Variants in PHC3 observed in about 807,000 individuals in gnomAD.
The protein encoded by PHC3 is polyhomeotic-like protein 3.
PHC3 carries 13 observed loss-of-function variants against 107.4 expected under a neutral mutation model. The observed-to-expected ratio is 0.12, with a 90% CI of 0.08 to 0.19. PHC3 has a LOEUF of 0.19. Ranked by LOEUF, PHC3 falls within the 10% of genes least tolerant of loss-of-function variation. The pLI is 1.00. For synonymous variants in PHC3, 456 were observed against 427.4 expected (o/e 1.07, Z -0.83); for missense variants, 992 against 1,210.9 (o/e 0.82, Z 2.68).
At chr3:170,125,143 A>T (rs1721041116) in intron 8 of PHC3, among the ~76,000 whole-genome samples, 1 of 152,134 alleles carries the variant, frequency 6.6e-6, no homozygotes, top group Non-Finnish European at 1.5e-5. Flanking sequence ...ACACTAAGAG[A>T]GATTCTGTGC....
chr3:170,155,204 T>C (rs1344858743), intron 4 of PHC3, among the ~76,000 whole-genome samples: 1 of 152,216 alleles, frequency 6.6e-6, no homozygotes, highest in Admixed American at 6.5e-5. Context: ...CAAAGTCCAT[T>C]TGAGAGTTGC....
intron 11 of PHC3, among the ~76,000 whole-genome samples, chr3:170,108,065 G>T (rs1317544918): frequency 1.3e-5 from 2 of 152,150 alleles, no homozygotes; most frequent in Admixed American, 6.5e-5. Flanking sequence ...TAGCGCTCAA[G>T]AAATACTTTG....
intron 2 of PHC3, among the ~76,000 whole-genome samples, chr3:170,175,643 G>T (rs567852294): frequency 4.6e-5 from 7 of 151,312 alleles, no homozygotes; most frequent in South Asian, 2.1e-4. Context: ...AAAAGGGGGG[G>T]GCCAGGCGCA....
chr3:170,139,189 A>G (rs75650432), intron 6 of PHC3, among the ~76,000 whole-genome samples: 3,482 of 152,178 alleles, frequency 0.023, 132 homozygotes, highest in African/African-American at 0.08. Flanking sequence ...TCATTTTTAT[A>G]CTCCCTGCAG....
chr3:170,158,135 T>C (rs528996009), intron 4 of PHC3, among the ~76,000 whole-genome samples: 24 of 152,182 alleles, frequency 1.6e-4, no homozygotes, highest in East Asian at 7.7e-4. Flanking sequence ...ATCTAGACTA[T>C]TGGAAATTCC....
chr3:170,155,227 A>T (rs1029558856), intron 4 of PHC3, among the ~76,000 whole-genome samples: 1 of 152,214 alleles, frequency 6.6e-6, no homozygotes, highest in Admixed American at 6.5e-5. Flanking sequence ...CTACCGTTTC[A>T]CTGATCAGAA....
At chr3:170,100,822 TTTG>T (rs1348433300) in intron 14 of PHC3, among the ~76,000 whole-genome samples, 1 of 152,196 alleles carries the variant, frequency 6.6e-6, no homozygotes, top group Non-Finnish European at 1.5e-5. Context: ...AGTATCCATA[TTTG>T]TTAATTATTT....
rs934447256 is a variant in PHC3, at chr3:170,090,763, T to C, written c.*6467A>G. On this transcript the variant is annotated 3_prime_UTR_variant, in exon 15 of 15. Transcript: ENST00000495893. ...ACCATACTGCATATCTGGAAGCTGT[T>C]AAAACAGCTGAGTAATTGCCCAACA... The C allele has an allele frequency of 2.0e-5, 3 of 152,156 alleles. No individual in the cohort carries two copies. The highest frequency in any genetic ancestry group is 7.2e-5 in the African/African-American group (3 of 41,424). 9.4% of individuals were successfully genotyped at this position (152,156 alleles called of 1,614,324 possible).
At chr3:170,104,059 G>A (rs1715997231) in intron 12 of PHC3, among the ~76,000 whole-genome samples, 1 of 152,042 alleles carries the variant, frequency 6.6e-6, no homozygotes, top group South Asian at 2.1e-4. Flanking sequence ...GACAGAGCCA[G>A]ACCCTGACTC....
At chr3:170,146,355 A>T (rs1191336385) in intron 5 of PHC3, among the ~76,000 whole-genome samples, 1 of 151,120 alleles carries the variant, frequency 6.6e-6, no homozygotes, top group African/African-American at 2.4e-5. Flanking sequence ...AGCCTGGATG[A>T]CAGAGCAAGA....
In PHC3 at chr3:170,172,966, G is replaced by A. The variant is rs536480634; in HGVS notation, c.181-254C>T. Among the ~76,000 whole-genome samples the A allele has an allele frequency of 3.3e-5, 5 of 152,266 alleles. No individual in the cohort carries two copies. In the South Asian group the frequency reaches 1.0e-3, roughly 32 times the overall value. On this transcript the variant is annotated intron_variant, in intron 2 of 14. Transcript: ENST00000495893. ...CCAGCACTTTGGGAGGCCGAGGTGG[G>A]CGGATCACAAGGTCAGGAGATCAAG...
At chr3:170,164,168 C>A (rs1560119550) in intron 4 of PHC3, among the ~76,000 whole-genome samples, 1 of 152,186 alleles carries the variant, frequency 6.6e-6, no homozygotes, top group Admixed American at 6.5e-5. Context: ...TGCCCTCCGG[C>A]CTGGCCAACA....
rs191811808 is a variant in PHC3 at position 170,159,129 on chromosome 3, C to A, written c.415-9885G>T. Among the ~76,000 whole-genome samples, 1,340 of 150,788 alleles carry A rather than the reference C, an allele frequency of 8.9e-3. 8 individuals carry two copies. The highest frequency in any genetic ancestry group is 0.013 in the Non-Finnish European group (913 of 67,720). ...AGCAGGGCGTGGTGGCAGGCGCCTG[C>A]AGTCCCAGCTATTCAGGAGGCTGAG... On this transcript the variant is annotated intron_variant, in intron 4 of 14. Coordinates refer to ENST00000495893, the MANE Select transcript of PHC3 (RefSeq NM_024947.4).
chr3:170,170,746 T>G (rs925849056), intron 4 of PHC3: 1 of 152,108 alleles, frequency 6.6e-6, no homozygotes, highest in Non-Finnish European at 1.5e-5. Flanking sequence ...ATACAGAAAT[T>G]TTTTTATTAT....
intron 10 of PHC3, among the ~76,000 whole-genome samples, chr3:170,115,368 C>T (rs1202872261): frequency 6.6e-6 from 1 of 151,918 alleles, no homozygotes. Context: ...GTATCTATAA[C>T]ATATATACAT....
chr3:170,148,956 G>A (rs185966750), intron 5 of PHC3, 130 bp downstream of exon 5: 30 of 830,066 alleles, frequency 3.6e-5, no homozygotes, highest in East Asian at 1.1e-4. Flanking sequence ...CTGAAGGCAC[G>A]CCCGCATGCA....
intron 5 of PHC3, among the ~76,000 whole-genome samples, chr3:170,146,464 AT>A (rs1242201690): frequency 6.6e-6 from 1 of 151,744 alleles, no homozygotes; most frequent in East Asian, 1.9e-4. Flanking sequence ...CTGCAAAAAA[AT>A]CTTCACATCA....
chr3:170,179,084 C>T, intron 1 of PHC3, 146 bp from the exon 2 acceptor site: 1 of 725,506 alleles, frequency 1.4e-6, no homozygotes, highest in Non-Finnish European at 2.3e-6. Context: ...TCACTATAAG[C>T]ACTTAGAAGG....
chr3:170,140,584 C>CTTTTTTTTTTT (rs57137783), intron 6 of PHC3, among the ~76,000 whole-genome samples: 21 of 69,614 alleles, frequency 3.0e-4, no homozygotes, highest in East Asian at 5.1e-4. Context: ...ATTTCTTTTT[C>CTTTTTTTTTTT]TTTTTTTTTT....
Sources: allele counts gnomAD v4.1 joint callset (sites outside exome capture counted in the v4.1 genomes callset), GRCh38; gene constraint gnomAD v4.1.1; transcripts MANE v1.5; gene names NCBI Gene and HGNC (gene_info 2026-07-23, HGNC 2026-07-21).